The following ESRRG variants were observed in gnomAD, a reference collection of about 807,000 sequenced individuals.
ESRRG encodes estrogen-related receptor gamma.
Under a neutral mutation model 44.0 loss-of-function variants are expected in ESRRG, and 13 were observed. That is an observed-to-expected ratio of 0.30 (90% CI 0.19 to 0.47). The LOEUF is 0.47. Among genes scored for constraint, ESRRG ranks in the 20% least tolerant of loss-of-function variants. The pLI is 1.00. For synonymous variants in ESRRG, 215 were observed against 214.6 expected (o/e 1.00, Z -0.02); for missense variants, 395 against 580.6 (o/e 0.68, Z 3.29).
At chr1:217,118,342 C>T (rs549596689) in intron 1 of ESRRG, among the ~76,000 whole-genome samples, 2 of 152,204 alleles carry the variant, frequency 1.3e-5, no homozygotes, top group Middle Eastern at 3.2e-3. Flanking sequence ...TTGTGGCCTG[C>T]AGTTACTGAA....
At chr1:217,018,619 C>T (rs2079808072) in intron 1 of ESRRG, among the ~76,000 whole-genome samples, 2 of 152,160 alleles carry the variant, frequency 1.3e-5, no homozygotes, top group Admixed American at 6.6e-5. Flanking sequence ...TACAATTTCA[C>T]AGTGAATATA....
Position 216,519,345 on chromosome 1 carries a change from G to C in ESRRG, c.939C>G (p.Val313=). ...CCTCAAACGAAAGAGACCGGTATAC[G>C]ACACCAAGGATCAAAATTTCCATCC... ...SAWMEILILG[V]VYRSLSFEDE... The change falls in exon 6 of 7, where the codon GTC becomes GTG. Residue 313 remains valine, a synonymous_variant. Coordinates refer to ENST00000408911, the MANE Select transcript of ESRRG (RefSeq NM_001438.4). 3.7e-6 allele frequency: 6 copies of C among 1,613,462 alleles called. No homozygotes were observed. Among genetic ancestry groups the C allele is most frequent in the Non-Finnish European group, 4.2e-6 (5 of 1,179,614 alleles).
chr1:216,712,455 G>A (rs895915671), intron 1 of ESRRG, among the ~76,000 whole-genome samples: 4 of 152,132 alleles, frequency 2.6e-5, no homozygotes, highest in Non-Finnish European at 4.4e-5. Flanking sequence ...CAGTAGTGGC[G>A]GTTTTCAGAT....
At position 217,130,882 on chromosome 1, in the gene ESRRG, C is replaced by A. The variant is rs1240696982; in HGVS notation, c.-230+6785G>T. Among the ~76,000 whole-genome samples, 3 of 126,784 alleles carry A rather than the reference C, an allele frequency of 2.4e-5. No homozygotes were observed. In the East Asian group the frequency reaches 6.3e-4, roughly 27 times the overall value. 83.2% of individuals were successfully genotyped at this position (126,784 alleles called of 152,430 possible). On this transcript the variant is annotated intron_variant, in intron 1 of 8. Coordinates refer to the ESRRG transcript ENST00000366940. ...ATACATTTTCTCCCACGAAGAAATG[C>A]CTTTTATTGTCTTTTTTTTAACTAT...
intron 1 of ESRRG, among the ~76,000 whole-genome samples, chr1:216,677,911 T>C (rs11572692): frequency 0.048 from 7,350 of 152,310 alleles, 235 homozygotes; most frequent in Non-Finnish European, 0.078. Context: ...GTCTATACCA[T>C]TTCTAAAATT....
intron 2 of ESRRG, among the ~76,000 whole-genome samples, chr1:216,825,952 T>C (rs576445659): frequency 6.6e-6 from 1 of 152,278 alleles, no homozygotes; most frequent in South Asian, 2.1e-4. Context: ...GTCCACGTAT[T>C]GTCTGAGTTG....
At chr1:216,687,156 A>G (rs1198436208) in intron 1 of ESRRG, among the ~76,000 whole-genome samples, 3 of 151,898 alleles carry the variant, frequency 2.0e-5, no homozygotes, top group Non-Finnish European at 2.9e-5. Context: ...TCAACTGAAG[A>G]CTCACTCCCA....
intron 1 of ESRRG, among the ~76,000 whole-genome samples, chr1:217,108,621 G>A (rs528810086): frequency 1.3e-5 from 2 of 152,064 alleles, no homozygotes; most frequent in South Asian, 2.1e-4. Flanking sequence ...AGACTGGGTC[G>A]TTTAAAAGTG....
intron 5 of ESRRG, among the ~76,000 whole-genome samples, chr1:216,546,032 AACTC>A (rs894337008): frequency 2.6e-5 from 4 of 152,042 alleles, no homozygotes; most frequent in African/African-American, 9.7e-5. Flanking sequence ...GAAACTAAAA[AACTC>A]ACTCATAGGA....
intron 1 of ESRRG, among the ~76,000 whole-genome samples, chr1:217,025,420 G>C (rs1295138839): frequency 1.3e-5 from 2 of 151,960 alleles, no homozygotes; most frequent in African/African-American, 4.8e-5. Flanking sequence ...CTACACTAAA[G>C]AAATAAAGTC....
At chr1:216,692,485 T>A (rs772212499) in intron 1 of ESRRG, among the ~76,000 whole-genome samples, 16 of 152,112 alleles carry the variant, frequency 1.1e-4, no homozygotes, top group Admixed American at 2.6e-4. Flanking sequence ...ATAAAAAGAG[T>A]CAAAAAGTTG....
At chr1:217,037,928 A>T (rs554445884) in intron 1 of ESRRG, among the ~76,000 whole-genome samples, 8 of 152,198 alleles carry the variant, frequency 5.3e-5, no homozygotes, top group East Asian at 3.9e-4. Context: ...CTCCAAAATG[A>T]TCTCCTTTGA....
rs1039723669 is a variant in ESRRG, at chr1:217,039,671, G to A, written c.-106+49836C>T. On this transcript the variant is annotated intron_variant, in intron 1 of 7. Transcript: ENST00000359162. ...AAGATAAGATTTGGGTGAGTACGCA[G>A]GGCCAAACCACTTCATTCACTAAAT... 4.6e-5 allele frequency among the ~76,000 whole-genome samples: 7 copies of A among 152,172 alleles called. 1 individual carries two copies. The highest frequency in any genetic ancestry group is 3.3e-4 in the Admixed American group (5 of 15,270).
chr1:216,988,575 C>A (rs1248265177), intron 1 of ESRRG, among the ~76,000 whole-genome samples: 1 of 152,166 alleles, frequency 6.6e-6, no homozygotes, highest in African/African-American at 2.4e-5. Flanking sequence ...GAACCCCAAC[C>A]CTCAGATTTA....
At chr1:216,817,840 A>G (rs768070798) in intron 2 of ESRRG, among the ~76,000 whole-genome samples, 2 of 152,202 alleles carry the variant, frequency 1.3e-5, no homozygotes, top group Admixed American at 6.5e-5. Flanking sequence ...AGATTTCTGA[A>G]GCACAAAGTC....
intron 1 of ESRRG, among the ~76,000 whole-genome samples, chr1:216,711,651 G>A (rs1448251208): frequency 2.0e-5 from 3 of 152,120 alleles, no homozygotes; most frequent in African/African-American, 4.8e-5. Flanking sequence ...AGACATATCA[G>A]ATAAATGTAA....
In ESRRG at chr1:216,568,034, G is replaced by C; in HGVS notation, c.654C>G (p.Asn218Lys). The change falls in exon 4 of 7, where the codon AAC becomes AAG. Residue 218 changes from asparagine (N) to lysine (K), a missense_variant. Physicochemically the swap from Asn to Lys is moderately conservative, Grantham distance 94 (BLOSUM62 0). This residue lies in a region of ESRRG where 37 missense variants were observed against 32.9 expected (regional missense o/e 1.13). Coordinates refer to ENST00000408911, the MANE Select transcript of ESRRG (RefSeq NM_001438.4). ...QKYKRRIDAE[N>K]SPYLNPQLVQ... The stretch of plus-strand genomic sequence containing the variant: ...CCAGCTGAGGGTTCAGGTATGGGCT[G>C]TTCTCCGCATCTATCCTGCGCTTGT... 2.5e-6 allele frequency: 4 copies of C among 1,613,888 alleles called. No homozygotes were observed. Among genetic ancestry groups the C allele is most frequent in the Non-Finnish European group, 3.4e-6 (4 of 1,179,830 alleles).
chr1:216,632,673 A>T (rs889907331), intron 3 of ESRRG, among the ~76,000 whole-genome samples: 2 of 152,218 alleles, frequency 1.3e-5, no homozygotes, highest in East Asian at 1.9e-4. Flanking sequence ...TACCTGTACT[A>T]GTCAACAGTT....
intron 1 of ESRRG, among the ~76,000 whole-genome samples, chr1:216,705,207 C>A (rs2082212134): frequency 6.6e-6 from 1 of 152,050 alleles, no homozygotes; most frequent in Non-Finnish European, 1.5e-5. Flanking sequence ...TTAAGACTTT[C>A]ATTTAATAGT....
Sources: gnomAD v4.1 joint callset for allele counts (sites outside exome capture counted in the v4.1 genomes callset) on GRCh38, gnomAD v4.1.1 for gene constraint, gnomAD v4.1.1 regional missense constraint, MANE v1.5 for transcripts, NCBI Gene and HGNC (gene_info 2026-07-23, HGNC 2026-07-21) for gene names.